MPI: variants seen among roughly 807,000 people sequenced by gnomAD.
MPI encodes the protein mannose-6-phosphate isomerase.
Under a neutral mutation model 40.1 loss-of-function variants are expected in MPI, and 33 were observed. The observed-to-expected ratio is 0.82, with a 90% CI of 0.62 to 1.10. MPI has a LOEUF of 1.10. MPI is among the 50% of genes least tolerant of loss of function. MPI has a pLI of 0.00. For missense variants in MPI, 514 were observed against 524.1 expected (o/e 0.98, Z 0.19); for synonymous variants, 187 against 207.4 (o/e 0.90, Z 0.85).
chr15:74,891,307 C>G (rs1030469682), intron 2 of MPI, 72 bp from the exon 3 acceptor site: 3 of 1,423,624 alleles, frequency 2.1e-6, no homozygotes, highest in Non-Finnish European at 3.0e-6. Context: ...CACAGCATAA[C>G]GGATTGGGAC....
Position 74,893,324 on chromosome 15 carries a change from GAC to G in MPI, c.670+8_670+9del, listed in dbSNP as rs1313681169. The G allele has an allele frequency of 1.9e-6, 3 of 1,614,048 alleles. No homozygotes were observed. Among genetic ancestry groups the G allele is most frequent in the African/African-American group, 2.7e-5 (2 of 74,936 alleles). On this transcript the variant is annotated splice_donor_5th_base_variant and intron_variant, in intron 5 of 7. Coordinates refer to ENST00000352410, the MANE Select transcript of MPI (RefSeq NM_002435.3). ...GTGAAGCGGATCTCCCAGCAAGGTGGACACAGTTATATTCCTGGTTGGGTGCA... is the reference window on the plus strand; with the variant it reads ...GTGAAGCGGATCTCCCAGCAAGGTGGACAGTTATATTCCTGGTTGGGTGCA...
chr15:74,896,016 G>C (rs1281710541), intron 5 of MPI, 136 bp from the exon 6 acceptor site: 1 of 967,496 alleles, frequency 1.0e-6, no homozygotes, highest in Non-Finnish European at 1.6e-6. Context: ...TGGAGGCGTG[G>C]CCAGAAGGAC....
intron 5 of MPI, among the ~76,000 whole-genome samples, chr15:74,895,019 T>G (rs1595821035): frequency 6.7e-6 from 1 of 148,792 alleles, no homozygotes; most frequent in South Asian, 2.2e-4. Flanking sequence ...CAGGCTGGAG[T>G]GCAGTGGTGC....
chr15:74,891,003 A>G (rs1299688391), intron 2 of MPI: 4 of 567,074 alleles, frequency 7.1e-6, no homozygotes, highest in African/African-American at 5.5e-5. Context: ...AAGCATAGGA[A>G]GGCTTTCGCC....
chr15:74,890,080 GCT>G lies in MPI; in HGVS notation c.9_10del (p.Pro4AlafsTer31). On this transcript the variant is annotated frameshift_variant, in exon 1 of 8. Transcript: ENST00000352410. LOFTEE classifies it high-confidence loss of function. MA[A>X]PRVFPLSCAV... ...CCTGGTGCAGGGGGCGAGCATGGCC[GCT>G]CCGCGAGGTGAGCCATTGGCTGGGG... 2 of 1,607,770 alleles carry G rather than the reference GCT, an allele frequency of 1.2e-6. No homozygotes were observed.
Position 74,894,079 on chromosome 15 carries a change from TGTGTGTGTGTGTGTGTGTG to T in MPI, c.670+760_670+778del, listed in dbSNP as rs1195010588. Reference sequence around the variant, plus strand: ...GTGTGTGTGTGTGTGTGTGTGTGTGTGTGTGTGTGTGTGTGTGTGTGTGTGTGTGGTCTCTTTCTGTTGC... The same window carrying T: ...GTGTGTGTGTGTGTGTGTGTGTGTGTTGTGTGTGTGGTCTCTTTCTGTTGC... On this transcript the variant is annotated intron_variant, in intron 5 of 7. Transcript: ENST00000352410. Among the ~76,000 whole-genome samples the T allele has an allele frequency of 3.8e-3, 234 of 61,658 alleles. 8 individuals are homozygous for T. In the East Asian group the frequency reaches 0.039, roughly 10 times the overall value. The allele number at this position is 61,658 out of a possible 152,430, so 40.5% of individuals were successfully genotyped here.
At chr15:74,890,128 G>A in intron 1 of MPI, 39 bp downstream of exon 1, 1 of 1,606,652 alleles carries the variant, frequency 6.2e-7, no homozygotes, top group South Asian at 1.1e-5. Flanking sequence ...TGTGTTCGTG[G>A]AGCGCGTCCT....
chr15:74,901,408 A>G lies in MPI; in HGVS notation c.*3678A>G, dbSNP rs1377786272. 1 of 152,208 alleles carries G rather than the reference A, an allele frequency of 6.6e-6. No individual in the cohort carries two copies. The highest frequency in any genetic ancestry group is 1.5e-5 in the Non-Finnish European group (1 of 68,044). The allele number at this position is 152,208 out of a possible 1,614,324, so 9.4% of individuals were successfully genotyped here. A position where few individuals can be genotyped will look rare whatever the true frequency, so the allele number is the denominator to read the frequency against. On this transcript the variant is annotated 3_prime_UTR_variant, in exon 8 of 8. Transcript: ENST00000352410. ...ATTTGTGGGTAGGGGGTGTCACAGC[A>G]GAAATTATGCCTATTTCTGCTGTTT...
At chr15:74,890,927 G>C (rs1017736352) in intron 2 of MPI, 3 of 621,634 alleles carry the variant, frequency 4.8e-6, no homozygotes. Flanking sequence ...TTTTTACTTT[G>C]ACTATTTTTT....
chr15:74,894,089 T>TGTGTGTGTGTG (rs2064774504), intron 5 of MPI, among the ~76,000 whole-genome samples: 1 of 56,076 alleles, frequency 1.8e-5, no homozygotes, highest in South Asian at 4.9e-4. Flanking sequence ...TGTGTGTGTG[T>TGTGTGTGTGTG]GTGTGTGTGT....
chr15:74,893,609 C>G (rs1380956423), intron 5 of MPI: 2 of 599,872 alleles, frequency 3.3e-6, no homozygotes, highest in Non-Finnish European at 6.0e-6. Flanking sequence ...GAGATTTTCC[C>G]TAGCCCTGCA....
chr15:74,896,716 G>A (rs1274116937), intron 6 of MPI: 8 of 608,586 alleles, frequency 1.3e-5, no homozygotes, highest in Admixed American at 5.7e-5. Context: ...CCTTTCGACT[G>A]TTGGCTGCTT....
At chr15:74,895,881 G>A (rs2064810425) in intron 5 of MPI, 2 of 494,512 alleles carry the variant, frequency 4.0e-6, no homozygotes, top group African/African-American at 3.9e-5. Context: ...ATCCCATCCT[G>A]AAAGGACCAT....
chr15:74,894,093 TGTGTGTGTGTGTGTGG>T (rs1177343195), intron 5 of MPI, among the ~76,000 whole-genome samples: 2 of 54,202 alleles, frequency 3.7e-5, no homozygotes, highest in Admixed American at 2.0e-4. Context: ...TGTGTGTGTG[TGTGTGTGTGTGTGTGG>T]TCTCTTTCTG....
rs1223295146 is a variant in MPI at position 74,897,158 on chromosome 15, A to G, written c.992A>G (p.Glu331Gly). 1 of 1,614,050 alleles carries G rather than the reference A, an allele frequency of 6.2e-7. No homozygotes were observed. Among genetic ancestry groups the G allele is most frequent in the African/African-American group, 1.3e-5 (1 of 74,930 alleles). ...CTCTTTCTCCCAACACGGAGTCAGG[A>G]AGACCCCTACCTCTCAATCTATGAC... The part of the protein sequence containing the change: ...DRLFLPTRSQ[E>G]DPYLSIYDPP... The change falls in exon 7 of 8, where the codon GAA (glutamate) becomes GGA (glycine). Residue 331 changes from glutamate (E) to glycine (G), a missense_variant. By Grantham distance (98) the Glu-to-Gly change is moderately conservative. Transcript: ENST00000352410.
In MPI at chr15:74,897,903, G is replaced by C. The variant is rs1437036520; in HGVS notation, c.*173G>C. On this transcript the variant is annotated 3_prime_UTR_variant, in exon 8 of 8. Coordinates refer to ENST00000352410, the MANE Select transcript of MPI (RefSeq NM_002435.3). ...AGGTAGTGACTCCTGAACACACCCA[G>C]GTGGAACCATCTTTGGGGAGGAGAG... The C allele has an allele frequency of 1.4e-6, 1 of 699,102 alleles. No individual in the cohort carries two copies. Among genetic ancestry groups the C allele is most frequent in the Non-Finnish European group, 2.6e-6 (1 of 388,852 alleles). The allele number at this position is 699,102 out of a possible 1,614,324, so 43.3% of individuals were successfully genotyped here.
chr15:74,892,781 GA>G lies in MPI; in HGVS notation c.467del (p.Glu156GlyfsTer3). The G allele has an allele frequency of 6.2e-7, 1 of 1,614,280 alleles. No homozygotes were observed. Among genetic ancestry groups the G allele is most frequent in the Non-Finnish European group, 8.5e-7 (1 of 1,180,050 alleles). ...CTTGTGTGGCTTCCGGCCAGTTGAG[GA>G]GATTGTAACCTTTCTAAAGAGTAAG... ...QGLCGFRPVE[E>X]IVTFLKKVPE... On this transcript the variant is annotated frameshift_variant, in exon 4 of 8. Transcript: ENST00000352410. LOFTEE classifies it high-confidence loss of function.
At chr15:74,897,472 G>C in intron 7 of MPI, 40 bp from the exon 8 acceptor site, 3 of 1,591,004 alleles carry the variant, frequency 1.9e-6, no homozygotes, top group Non-Finnish European at 2.6e-6. Flanking sequence ...GATGAGAGCA[G>C]AGTCTGAGCT....
chr15:74,894,107 T>TGTGTGTTTTCTGAGCCAG (rs1555478772), intron 5 of MPI, among the ~76,000 whole-genome samples: 636 of 60,986 alleles, frequency 0.01, 185 homozygotes, highest in Middle Eastern at 0.031. Context: ...TGTGTGTGTG[T>TGTGTGTTTTCTGAGCCAG]GGTCTCTTTC....
Sources: allele counts gnomAD v4.1 joint callset (sites outside exome capture counted in the v4.1 genomes callset), GRCh38; gene constraint gnomAD v4.1.1; transcripts MANE v1.5; gene names NCBI Gene and HGNC (gene_info 2026-07-23, HGNC 2026-07-21).